Variants in SLC22A23 observed in about 807,000 individuals in gnomAD.
SLC22A23 encodes the protein solute carrier family 22 member 23.
A neutral mutation model predicts 61.0 loss-of-function variants in SLC22A23; 26 were observed. That is an observed-to-expected ratio of 0.43 (90% confidence interval 0.31 to 0.59). The LOEUF is 0.59. Ranked by LOEUF, SLC22A23 falls within the 20% of genes least tolerant of loss-of-function variation. SLC22A23 has a pLI of 0.11. For missense variants in SLC22A23, 796 were observed against 934.7 expected (o/e 0.85, Z 1.94); for synonymous variants, 430 against 413.9 (o/e 1.04, Z -0.47).
chr6:3,368,429 C>T (rs542998625), intron 3 of SLC22A23, among the ~76,000 whole-genome samples: 12 of 152,254 alleles, frequency 7.9e-5, no homozygotes, highest in African/African-American at 2.6e-4. Context: ...AAGAGATATG[C>T]GCTTTTCCAG....
intron 3 of SLC22A23, among the ~76,000 whole-genome samples, chr6:3,378,520 T>A (rs903085542): frequency 1.3e-5 from 2 of 152,206 alleles, no homozygotes; most frequent in African/African-American, 4.8e-5. Context: ...ATCTGTCGAC[T>A]GTGACTGGCT....
intron 1 of SLC22A23, among the ~76,000 whole-genome samples, chr6:3,439,118 G>GACCGGGGTTTCTCAAACTTGCCGTATTT (rs1771416201): frequency 6.6e-6 from 1 of 152,036 alleles, no homozygotes; most frequent in South Asian, 2.1e-4. Context: ...GGCCGGATCT[G>GACCGGGGTTTCTCAAACTTGCCGTATTT]GGGCCGGATC....
rs975574081 is a variant in SLC22A23, at chr6:3,283,630, C to G, written c.1703+222G>C. 8.8e-6 allele frequency: 5 copies of G among 564,990 alleles called. No homozygotes were observed. In the East Asian group the frequency reaches 1.5e-4, roughly 17 times the overall value. 35.0% of individuals were successfully genotyped at this position (564,990 alleles called of 1,614,324 possible). On this transcript the variant is annotated intron_variant, in intron 9 of 9. Coordinates refer to ENST00000406686, the MANE Select transcript of SLC22A23 (RefSeq NM_015482.2). ...CAGAGTAGCTCCCTGTTCCCCCTTC[C>G]TCCTGCTGCTGCCTGGACAGGACCC...
intron 4 of SLC22A23, among the ~76,000 whole-genome samples, chr6:3,314,774 G>T (rs1222616139): frequency 6.6e-6 from 1 of 151,814 alleles, no homozygotes; most frequent in African/African-American, 2.4e-5. Context: ...TTTTTCTAAG[G>T]GTTTCTGCAC....
At chr6:3,296,699 G>A (rs563760959) in intron 5 of SLC22A23, among the ~76,000 whole-genome samples, 1 of 152,116 alleles carries the variant, frequency 6.6e-6, no homozygotes, top group Non-Finnish European at 1.5e-5. Context: ...AAAGCTTCAG[G>A]CGTCCCTGGG....
At chr6:3,413,966 A>C (rs914980654) in intron 2 of SLC22A23, among the ~76,000 whole-genome samples, 1 of 152,212 alleles carries the variant, frequency 6.6e-6, no homozygotes, top group African/African-American at 2.4e-5. Flanking sequence ...AACTGCAGAG[A>C]AATGGTTTGC....
At chr6:3,358,829 G>C (rs1430878517) in intron 3 of SLC22A23, among the ~76,000 whole-genome samples, 1 of 152,206 alleles carries the variant, frequency 6.6e-6, no homozygotes, top group Non-Finnish European at 1.5e-5. Context: ...CACAGCTCCA[G>C]TGAGGAAGAA....
chr6:3,287,674 T>C (rs1760153629), intron 6 of SLC22A23, among the ~76,000 whole-genome samples: 1 of 61,382 alleles, frequency 1.6e-5, no homozygotes, highest in South Asian at 4.8e-4. Context: ...CACAGGAAAC[T>C]GTTTTTTTTT....
At chr6:3,440,465 T>C (rs1200608631) in intron 1 of SLC22A23, among the ~76,000 whole-genome samples, 3 of 151,778 alleles carry the variant, frequency 2.0e-5, no homozygotes, top group South Asian at 4.2e-4. Flanking sequence ...CCCAGCACTT[T>C]GGGAGGCCGA....
At chr6:3,425,178 T>G (rs974617900) in intron 1 of SLC22A23, among the ~76,000 whole-genome samples, 9 of 152,070 alleles carry the variant, frequency 5.9e-5, no homozygotes, top group African/African-American at 2.2e-4. Context: ...TCCACCAAAC[T>G]TTTCTCTATT....
rs1761852513 is a variant in SLC22A23, at chr6:3,304,726, G to A, written c.1083-6508C>T. ...CTCTGCTTGGACCGTCTTGGAAGATGAGCAGCTGCAGGGCAGGCCCTGTAT... is the reference window on the plus strand; with the variant it reads ...CTCTGCTTGGACCGTCTTGGAAGATAAGCAGCTGCAGGGCAGGCCCTGTAT... On this transcript the variant is annotated intron_variant, in intron 4 of 9. Transcript: ENST00000406686. The surrounding 1 kb of genome is among the most constrained non-coding windows in gnomAD (Gnocchi z 4.3). Among the ~76,000 whole-genome samples, 2 of 152,140 alleles carry A rather than the reference G, an allele frequency of 1.3e-5. No homozygotes were observed. The highest frequency in any genetic ancestry group is 4.2e-4 in the South Asian group (2 of 4,816).
chr6:3,355,411 CA>C (rs1401668358), intron 3 of SLC22A23, among the ~76,000 whole-genome samples: 3 of 151,968 alleles, frequency 2.0e-5, no homozygotes, highest in Admixed American at 6.5e-5. Flanking sequence ...CTGTTCTATG[CA>C]ACAAAGCAAC....
rs1473914464 is a variant in SLC22A23 at position 3,269,679 on chromosome 6, C to T, written c.*3376G>A. ...CAAGGACAGGGAGGGAAGTGTTCGC[C>T]GCTAGACATGACACACCATACTGCT... On this transcript the variant is annotated 3_prime_UTR_variant, in exon 10 of 10. Coordinates refer to ENST00000406686, the MANE Select transcript of SLC22A23 (RefSeq NM_015482.2). 5.2e-5 allele frequency: 8 copies of T among 152,858 alleles called. 1 individual carries two copies. The highest frequency in any genetic ancestry group is 3.4e-3 in the Middle Eastern group (1 of 294). The allele number at this position is 152,858 out of a possible 1,614,324, so 9.5% of individuals were successfully genotyped here.
chr6:3,424,795 A>G (rs1770377357), intron 1 of SLC22A23, among the ~76,000 whole-genome samples: 1 of 152,224 alleles, frequency 6.6e-6, no homozygotes, highest in Non-Finnish European at 1.5e-5. Context: ...TCTGCACTAC[A>G]GCGGCAGAGT....
At chr6:3,362,414 AAATAAAATAAAAAATAAAAAAT>A (rs1171173128) in intron 3 of SLC22A23, among the ~76,000 whole-genome samples, 2 of 72,930 alleles carry the variant, frequency 2.7e-5, no homozygotes, top group South Asian at 6.4e-4. Flanking sequence ...CAAAAAAAAA[AAATAAAATAAAAAATAAAAAAT>A]AAAAATTAGC....
At chr6:3,440,024 A>C (rs1449672014) in intron 1 of SLC22A23, among the ~76,000 whole-genome samples, 1 of 152,064 alleles carries the variant, frequency 6.6e-6, no homozygotes, top group East Asian at 1.9e-4. Flanking sequence ...GGTCATGGAG[A>C]GCCACGGAGG....
At chr6:3,278,816 G>A (rs1260484391) in intron 9 of SLC22A23, among the ~76,000 whole-genome samples, 1 of 152,198 alleles carries the variant, frequency 6.6e-6, no homozygotes, top group Non-Finnish European at 1.5e-5. Context: ...TTTTAATGGG[G>A]ACAGCATTTT....
chr6:3,366,959 CAG>C (rs1491189061), intron 3 of SLC22A23, among the ~76,000 whole-genome samples: 2 of 152,200 alleles, frequency 1.3e-5, no homozygotes, highest in African/African-American at 2.4e-5. Flanking sequence ...GAAGGAAGGA[CAG>C]GGGGGATTAA....
At chr6:3,416,774 G>T (rs1233226087) in intron 1 of SLC22A23, among the ~76,000 whole-genome samples, 2 of 152,230 alleles carry the variant, frequency 1.3e-5, no homozygotes, top group African/African-American at 4.8e-5. Flanking sequence ...AAAGCTTCTG[G>T]TCTGGACGCG....
Sources: allele counts gnomAD v4.1 joint callset (sites outside exome capture counted in the v4.1 genomes callset), GRCh38; gene constraint gnomAD v4.1.1; non-coding constraint Gnocchi (gnomAD v3.1); transcripts MANE v1.5; gene names NCBI Gene and HGNC (gene_info 2026-07-23, HGNC 2026-07-21).